Variants in SMG7 observed in about 807,000 individuals in gnomAD.
SMG7 encodes the protein nonsense-mediated mRNA decay factor SMG7.
In SMG7, 34 loss-of-function variants were observed where a neutral mutation model predicts 148.2. The ratio of observed to expected loss-of-function variants is 0.23; its 90% CI spans 0.17 to 0.31. The LOEUF is 0.31. SMG7 is among the 10% of genes least tolerant of loss of function. The probability of loss-of-function intolerance (pLI) is 1.00; values close to 1 mark genes in which losing one functional copy is unlikely to be tolerated. For synonymous variants in SMG7, 492 were observed against 515.1 expected (o/e 0.96, Z 0.61); for missense variants, 1,114 against 1,408.4 (o/e 0.79, Z 3.35).
At chr1:183,528,233 TTTA>T (rs1310990881) in intron 6 of SMG7, among the ~76,000 whole-genome samples, 1 of 152,120 alleles carries the variant, frequency 6.6e-6, no homozygotes, top group Non-Finnish European at 1.5e-5. Flanking sequence ...TTTATTTTAT[TTTA>T]TTATTTATTA....
Position 183,542,489 on chromosome 1 carries a change from A to G in SMG7, c.1829A>G (p.Asn610Ser). 6.2e-7 allele frequency: 1 copy of G among 1,613,186 alleles called. No homozygotes were observed. The highest frequency in any genetic ancestry group is 8.5e-7 in the Non-Finnish European group (1 of 1,179,654). The change falls in exon 14 of 23, where the codon AAT becomes AGT. Residue 610 changes from asparagine to serine, a missense_variant. Physicochemically the swap from Asn to Ser is conservative, Grantham distance 46 (BLOSUM62 1). Coordinates refer to ENST00000688051, the MANE Select transcript of SMG7 (RefSeq NM_001375584.1). ...LEKLQETGKQ[N>S]VAVQVKSQTE... Reference sequence around the variant, plus strand: ...AAGTTACAGGAAACAGGAAAGCAGAATGTGGCAGTGCAGGTAAGCTGTATT... The same window carrying G: ...AAGTTACAGGAAACAGGAAAGCAGAGTGTGGCAGTGCAGGTAAGCTGTATT...
chr1:183,529,304 T>G lies in SMG7; in HGVS notation c.708-94T>G, dbSNP rs1666447583. 7.9e-6 allele frequency: 11 copies of G among 1,391,418 alleles called. No individual in the cohort carries two copies. The South Asian group carries it at 1.2e-4, about 15-fold the overall frequency. 86.2% of individuals were successfully genotyped at this position (1,391,418 alleles called of 1,614,324 possible). On this transcript the variant is annotated intron_variant, in intron 7 of 22. Coordinates refer to ENST00000688051, the MANE Select transcript of SMG7 (RefSeq NM_001375584.1). ...GAAAAATCAGTCAAATACAGCTCTT[T>G]TGTGTATCAAGTATTTAGCAAGCCA... is the stretch of plus-strand genomic sequence containing the variant.
chr1:183,491,677 A>C (rs1657064358), intron 1 of SMG7, among the ~76,000 whole-genome samples: 1 of 152,178 alleles, frequency 6.6e-6, no homozygotes, highest in Non-Finnish European at 1.5e-5. Flanking sequence ...TCTTTTATTG[A>C]ATCTTAGCTA....
chr1:183,483,497 T>A (rs1654669001), intron 1 of SMG7, among the ~76,000 whole-genome samples: 1 of 152,156 alleles, frequency 6.6e-6, no homozygotes, highest in Non-Finnish European at 1.5e-5. Context: ...AAATTTTTTT[T>A]ATTACTGGTG....
chr1:183,510,993 G>GAA (rs987300789), intron 1 of SMG7, among the ~76,000 whole-genome samples: 1 of 141,072 alleles, frequency 7.1e-6, no homozygotes, highest in Non-Finnish European at 1.6e-5. Context: ...TCCGTCTTAA[G>GAA]AAAAAAAAAA....
Position 183,527,783 on chromosome 1 carries a change from T to G in SMG7, c.485-173T>G, listed in dbSNP as rs887469715. On this transcript the variant is annotated intron_variant, in intron 5 of 22. Coordinates refer to ENST00000688051, the MANE Select transcript of SMG7 (RefSeq NM_001375584.1). The surrounding 1 kb of genome is among the most constrained non-coding windows in gnomAD (Gnocchi z 4.0). ...GAATGTCCCAAATAAGGAAGGCTGA[T>G]GGACACTTCACACATAATCCTATAG... 18 of 606,140 alleles carry G rather than the reference T, an allele frequency of 3.0e-5. No individual in the cohort carries two copies. Among genetic ancestry groups the G allele is most frequent in the Admixed American group, 1.8e-4 (8 of 43,640 alleles). 37.5% of individuals were successfully genotyped at this position (606,140 alleles called of 1,614,324 possible).
At chr1:183,522,940 T>A (rs1198740318) in intron 4 of SMG7, among the ~76,000 whole-genome samples, 1 of 152,066 alleles carries the variant, frequency 6.6e-6, no homozygotes, top group Non-Finnish European at 1.5e-5. Flanking sequence ...GCTACCTTTT[T>A]TTATTTTTTG....
intron 1 of SMG7, among the ~76,000 whole-genome samples, chr1:183,510,306 G>A (rs1661843505): frequency 6.6e-6 from 1 of 152,114 alleles, no homozygotes. Flanking sequence ...CAGGGGAGGA[G>A]CGACATTTGT....
intron 4 of SMG7, among the ~76,000 whole-genome samples, chr1:183,521,727 C>T (rs1003430833): frequency 8.6e-5 from 13 of 151,658 alleles, no homozygotes; most frequent in Non-Finnish European, 7.4e-5. Context: ...CAACCAGGCA[C>T]GGTGGCGCAC....
chr1:183,544,560 C>T (rs999089808), intron 15 of SMG7, 63 bp downstream of exon 15: 12 of 1,538,232 alleles, frequency 7.8e-6, no homozygotes, highest in Non-Finnish European at 1.1e-5. Flanking sequence ...TATTCAGTCA[C>T]TGAGAAATGT....
intron 22 of SMG7, among the ~76,000 whole-genome samples, 159 bp downstream of exon 22, chr1:183,551,349 C>T (rs1671021738): frequency 6.6e-6 from 1 of 152,152 alleles, no homozygotes; most frequent in Non-Finnish European, 1.5e-5. Context: ...TTACAAGATT[C>T]TTGAGTGATA....
chr1:183,526,632 T>C lies in SMG7; in HGVS notation c.349T>C (p.Leu117=). Residue 117 remains leucine, a synonymous_variant, in exon 5 of 23, where the codon TTA becomes CTA. Coordinates refer to ENST00000688051, the MANE Select transcript of SMG7 (RefSeq NM_001375584.1). ...QELCTVFNVD[L]PCRVKSSQLG... is the part of the protein sequence containing the mutation. ...ACTGTGTACAGTATTTAATGTAGAT[T>C]TACCATGCCGTGTGAAGTCTTCCCA... 1.9e-6 allele frequency: 3 copies of C among 1,613,470 alleles called. No homozygotes were observed. Among genetic ancestry groups the C allele is most frequent in the Non-Finnish European group, 1.7e-6 (2 of 1,179,582 alleles).
chr1:183,551,750 G>T (rs948621062), intron 22 of SMG7, 68 bp from the exon 23 acceptor site: 1 of 1,254,242 alleles, frequency 8.0e-7, no homozygotes, highest in Non-Finnish European at 1.1e-6. Flanking sequence ...ATTTGGCTGG[G>T]ATTGAAAAAT....
At chr1:183,491,828 G>A (rs1026747409) in intron 1 of SMG7, among the ~76,000 whole-genome samples, 1 of 152,120 alleles carries the variant, frequency 6.6e-6, no homozygotes, top group African/African-American at 2.4e-5. Flanking sequence ...TTAAGGTGCC[G>A]GCAGGTTCGG....
intron 4 of SMG7, among the ~76,000 whole-genome samples, chr1:183,519,338 T>A (rs1481856589): frequency 4.6e-5 from 7 of 152,126 alleles, no homozygotes; most frequent in African/African-American, 1.7e-4. Context: ...TTTTAAAATT[T>A]ATGCCAACTT....
intron 1 of SMG7, chr1:183,473,846 T>G: frequency 1.0e-6 from 1 of 985,348 alleles, no homozygotes; most frequent in Non-Finnish European, 1.2e-6. Context: ...TTTAGCTGTT[T>G]AGTGACATGA....
Position 183,527,421 on chromosome 1 carries a change from C to A in SMG7, c.485-535C>A, listed in dbSNP as rs986078811. Among the ~76,000 whole-genome samples the A allele has an allele frequency of 6.6e-6, 1 of 152,126 alleles. No homozygotes were observed. The highest frequency in any genetic ancestry group is 2.4e-5 in the African/African-American group (1 of 41,428). On this transcript the variant is annotated intron_variant, in intron 5 of 22. Transcript: ENST00000688051. This position sits in a 1 kb window ranked among gnomAD's most constrained non-coding sequence, Gnocchi z 4.0. ...TAAGTCAGCGGTTCCATGAGGAGGTCACATCAGAGTAAGCAGTGAGTTTGG... is the reference window on the plus strand; with the variant it reads ...TAAGTCAGCGGTTCCATGAGGAGGTAACATCAGAGTAAGCAGTGAGTTTGG...
In SMG7 at chr1:183,545,979, A is replaced by G. The variant is rs746016060; in HGVS notation, c.2384A>G (p.Asp795Gly). Reference protein sequence around the residue: ...HSGFQQYQQADASKQLWNPPQ... With the variant: ...HSGFQQYQQAGASKQLWNPPQ... ...TCTCTTTTTTAGTATCAACAGGCAG[A>G]TGCCTCCAAACAGCTGTGGAATCCC... is the stretch of plus-strand genomic sequence containing the variant. Residue 795 changes from aspartate to glycine, a missense_variant, in exon 17 of 23, where the codon GAT (aspartate) becomes GGT (glycine). Physicochemically the swap from Asp to Gly is moderately conservative, Grantham distance 94. This residue lies in a region of SMG7 where 788 missense variants were observed against 894.5 expected (regional missense o/e 0.88). Transcript: ENST00000688051. 6.3e-7 allele frequency: 1 copy of G among 1,594,374 alleles called. No homozygotes were observed. Among genetic ancestry groups the G allele is most frequent in the Admixed American group, 1.8e-5 (1 of 55,104 alleles).
At chr1:183,490,399 ATTGTTTTATTCTTACCTGTGGACATT>A (rs1185855804) in intron 1 of SMG7, among the ~76,000 whole-genome samples, 3 of 152,176 alleles carry the variant, frequency 2.0e-5, no homozygotes, top group African/African-American at 7.2e-5. Flanking sequence ...TTTTGTAGAA[ATTGTTTTATTCTTACCTGTGGACATT>A]TTCTATGCAG....
Sources: allele counts gnomAD v4.1 joint callset (sites outside exome capture counted in the v4.1 genomes callset), GRCh38; gene constraint gnomAD v4.1.1; regional missense constraint gnomAD v4.1.1; non-coding constraint Gnocchi (gnomAD v3.1); transcripts MANE v1.5; gene names NCBI Gene and HGNC (gene_info 2026-07-23, HGNC 2026-07-21).